Variants in BBOX1 observed in about 807,000 individuals in gnomAD.
BBOX1 encodes the protein gamma-butyrobetaine hydroxylase 1.
In BBOX1, 35 loss-of-function variants were observed where a neutral mutation model predicts 41.6. The observed-to-expected ratio is 0.84, with a 90% CI of 0.64 to 1.11. BBOX1 has a LOEUF of 1.11. BBOX1 is among the 50% of genes most tolerant of loss of function. BBOX1 has a pLI of 0.00. For synonymous variants in BBOX1, 163 were observed against 154.7 expected, an observed-to-expected ratio of 1.05 and a Z score of -0.40; for missense variants, 458 against 460.6, an observed-to-expected ratio of 0.99 and a Z score of 0.05.
chr11:27,113,259 C>T (rs1859140896), intron 5 of BBOX1, among the ~76,000 whole-genome samples: 1 of 151,862 alleles, frequency 6.6e-6, no homozygotes, highest in African/African-American at 2.4e-5. Context: ...TCTCAAAGAC[C>T]TTAAAAACAT....
At chr11:27,076,233 C>T (rs1226394057) in intron 4 of BBOX1, among the ~76,000 whole-genome samples, 2 of 152,182 alleles carry the variant, frequency 1.3e-5, no homozygotes, top group Non-Finnish European at 2.9e-5. Context: ...CTCTAGTCTC[C>T]TAGCAGCAGA....
chr11:27,102,137 A>C (rs1375203588), intron 5 of BBOX1, among the ~76,000 whole-genome samples: 1 of 152,048 alleles, frequency 6.6e-6, no homozygotes, highest in Non-Finnish European at 1.5e-5. Flanking sequence ...ATTGTAGGGG[A>C]GGAAAAAAAG....
At chr11:27,079,109 C>G (rs886488833) in intron 4 of BBOX1, among the ~76,000 whole-genome samples, 1 of 152,086 alleles carries the variant, frequency 6.6e-6, no homozygotes, top group Non-Finnish European at 1.5e-5. Flanking sequence ...TTTGAGCTCC[C>G]CTTACATGAA....
Position 27,123,676 on chromosome 11 carries a change from G to C in BBOX1, c.837-1978G>C, listed in dbSNP as rs928373036. 2.0e-5 allele frequency among the ~76,000 whole-genome samples: 3 copies of C among 152,134 alleles called. No individual in the cohort carries two copies. The East Asian group carries it at 5.8e-4, about 29-fold the overall frequency. On this transcript the variant is annotated intron_variant, in intron 7 of 8. Transcript: ENST00000263182. ...TGAAACCAGCAGCATGAACTCTAAGGGGGTAATTGAAAGGTCGTGTAGTCT... is the reference window on the plus strand; with the variant it reads ...TGAAACCAGCAGCATGAACTCTAAGCGGGTAATTGAAAGGTCGTGTAGTCT...
chr11:27,058,481 G>A (rs1328712766), intron 4 of BBOX1, among the ~76,000 whole-genome samples: 1 of 152,174 alleles, frequency 6.6e-6, no homozygotes, highest in Non-Finnish European at 1.5e-5. Context: ...GCAAATGTTG[G>A]AAGAGTTTGG....
chr11:27,124,052 C>A (rs182567642), intron 7 of BBOX1, among the ~76,000 whole-genome samples: 114 of 152,278 alleles, frequency 7.5e-4, no homozygotes, highest in Non-Finnish European at 1.3e-3. Context: ...TGGCTCAGAG[C>A]CACCATGCAC....
At chr11:27,041,963 C>G (rs1455097064) in intron 2 of BBOX1, among the ~76,000 whole-genome samples, 5 of 152,136 alleles carry the variant, frequency 3.3e-5, no homozygotes, top group Non-Finnish European at 5.9e-5. Flanking sequence ...AAAAAGCTGA[C>G]TATAACATGC....
chr11:27,120,953 AT>A lies in BBOX1; in HGVS notation c.836+1112del, dbSNP rs1165176951. On this transcript the variant is annotated intron_variant, in intron 7 of 8. Transcript: ENST00000263182. The stretch of plus-strand genomic sequence containing the variant: ...CTTATACTCTAATGGGGGAAGGGAA[AT>A]TTTAAAGATTTTTAAACAGATGAGT... 3.5e-4 allele frequency among the ~76,000 whole-genome samples: 53 copies of A among 152,290 alleles called. 1 individual carries two copies. Among genetic ancestry groups the A allele is most frequent in the Non-Finnish European group, 1.5e-4 (10 of 68,026 alleles).
intron 2 of BBOX1, among the ~76,000 whole-genome samples, chr11:27,049,967 C>A (rs1453625726): frequency 6.6e-6 from 1 of 152,032 alleles, no homozygotes; most frequent in African/African-American, 2.4e-5. Flanking sequence ...ATGTTTTCTT[C>A]TAGTAGTTTT....
intron 2 of BBOX1, among the ~76,000 whole-genome samples, chr11:27,047,878 ACTG>A (rs1353652876): frequency 7.9e-5 from 12 of 152,106 alleles, no homozygotes; most frequent in African/African-American, 2.9e-4. Context: ...TTTTACTACT[ACTG>A]CTACTTCTAC....
chr11:27,117,891 G>A (rs768648169), intron 6 of BBOX1, among the ~76,000 whole-genome samples: 22 of 151,878 alleles, frequency 1.4e-4, no homozygotes, highest in Non-Finnish European at 3.1e-4. Context: ...TGAAACACGA[G>A]ATTCAATATT....
At chr11:27,105,437 G>A (rs547386120) in intron 5 of BBOX1, among the ~76,000 whole-genome samples, 71 of 152,180 alleles carry the variant, frequency 4.7e-4, no homozygotes, top group Admixed American at 3.6e-3. Flanking sequence ...CGAGAACTAC[G>A]TGACGAATGC....
At chr11:27,057,096 C>CATT in intron 3 of BBOX1, 105 bp from the exon 4 acceptor site, 1 of 367,712 alleles carries the variant, frequency 2.7e-6, no homozygotes, top group Non-Finnish European at 4.6e-6. Context: ...TTAAGCAAAG[C>CATT]ATAATTGGAT....
intron 4 of BBOX1, among the ~76,000 whole-genome samples, chr11:27,068,068 C>A (rs996964087): frequency 1.4e-5 from 2 of 142,530 alleles, no homozygotes; most frequent in Non-Finnish European, 3.1e-5. Flanking sequence ...TTTTACATGA[C>A]TTTTTTCCTT....
In BBOX1 at chr11:27,127,300, G is replaced by A. The variant is rs77035197; in HGVS notation, c.1011G>A (p.Val337=). 0.039 allele frequency: 62,335 copies of A among 1,613,480 alleles called. 1,428 individuals carry two copies. Among genetic ancestry groups the A allele is most frequent in the Middle Eastern group, 0.059 (360 of 6,062 alleles). The change falls in exon 9 of 9, where the codon GTG becomes GTA. Residue 337 remains valine (V), a synonymous_variant. Transcript: ENST00000263182. ...AAAAAATCTTTTCTTTAGGTGATGT[G>A]ATTACTTTTGATAACTGGCGCTTAC... is the stretch of plus-strand genomic sequence containing the variant. The part of the protein sequence containing the change: ...KFTFKMNPGD[V]ITFDNWRLLH...
At chr11:27,057,431 G>A (rs1243704894) in intron 4 of BBOX1, 116 bp downstream of exon 4, 1 of 760,200 alleles carries the variant, frequency 1.3e-6, no homozygotes, top group Non-Finnish European at 2.1e-6. Context: ...TATGTGACAT[G>A]TAAATTATGT....
intron 5 of BBOX1, among the ~76,000 whole-genome samples, chr11:27,101,394 A>T (rs1040632195): frequency 2.0e-5 from 3 of 152,072 alleles, no homozygotes; most frequent in Non-Finnish European, 4.4e-5. Flanking sequence ...CAAAACTAAT[A>T]CCCAATTCTT....
chr11:27,060,930 C>T (rs1857115955), intron 4 of BBOX1, among the ~76,000 whole-genome samples: 1 of 152,180 alleles, frequency 6.6e-6, no homozygotes, highest in Non-Finnish European at 1.5e-5. Flanking sequence ...GAGTGCATTG[C>T]TAAATTCTTC....
chr11:27,115,975 A>G (rs185095068), intron 6 of BBOX1, among the ~76,000 whole-genome samples: 36 of 152,100 alleles, frequency 2.4e-4, no homozygotes, highest in African/African-American at 8.7e-4. Flanking sequence ...ATATCCATTA[A>G]CTACTGCTGC....
Sources: gnomAD v4.1 joint callset for allele counts (sites outside exome capture counted in the v4.1 genomes callset) on GRCh38, gnomAD v4.1.1 for gene constraint, MANE v1.5 for transcripts, NCBI Gene and HGNC (gene_info 2026-07-23, HGNC 2026-07-21) for gene names.